The following LRRC7 variants were observed in gnomAD, a reference collection of about 807,000 sequenced individuals.
LRRC7 encodes the protein leucine-rich repeat-containing protein 7.
A neutral mutation model predicts 175.7 loss-of-function variants in LRRC7; 23 were observed. The ratio of observed to expected loss-of-function variants is 0.13; its 90% CI spans 0.09 to 0.19. The LOEUF (loss-of-function observed/expected upper bound fraction) is 0.19, where lower values mean the gene tolerates loss of function less well. Among genes scored for constraint, LRRC7 ranks in the 10% least tolerant of loss-of-function variants. LRRC7 has a pLI of 1.00. For missense variants in LRRC7, 1,354 were observed against 1,904.7 expected (o/e 0.71, Z 5.38); for synonymous variants, 685 against 680.9 (o/e 1.01, Z -0.09).
chr1:69,785,873 G>C (rs117848160), intron 3 of LRRC7, among the ~76,000 whole-genome samples: 21 of 151,836 alleles, frequency 1.4e-4, no homozygotes, highest in Non-Finnish European at 2.2e-4. Context: ...TATTTTCTAC[G>C]GTTTCCCAAA....
intron 10 of LRRC7, among the ~76,000 whole-genome samples, chr1:69,988,115 T>A (rs946212956): frequency 2.6e-5 from 4 of 152,176 alleles, no homozygotes; most frequent in Non-Finnish European, 2.9e-5. Context: ...AACCTTACAC[T>A]CCTACTCACC....
At chr1:69,696,003 G>A (rs187863735) in intron 2 of LRRC7, among the ~76,000 whole-genome samples, 40 of 152,310 alleles carry the variant, frequency 2.6e-4, no homozygotes, top group Non-Finnish European at 4.9e-4. Flanking sequence ...GTCAGAGTCC[G>A]CACTGGAGCA....
In LRRC7 at chr1:70,135,045, C is replaced by A. The variant is rs935408209; in HGVS notation, c.*13158C>A. 2.0e-5 allele frequency among the ~76,000 whole-genome samples: 3 copies of A among 152,174 alleles called. No individual in the cohort carries two copies. Among genetic ancestry groups the A allele is most frequent in the Non-Finnish European group, 4.4e-5 (3 of 68,042 alleles). ...AGAATGAAAATTACATAGAATTTTA[C>A]TGAAGAGTATAAGAGAAAACGTCTT... On this transcript the variant is annotated 3_prime_UTR_variant, in exon 27 of 27. Coordinates refer to ENST00000651989, the MANE Select transcript of LRRC7 (RefSeq NM_001370785.2).
chr1:69,569,080 C>G (rs967670359), intron 1 of LRRC7, among the ~76,000 whole-genome samples: 12 of 152,060 alleles, frequency 7.9e-5, no homozygotes, highest in South Asian at 2.1e-4. Flanking sequence ...CACACACACA[C>G]ACACTCACAC....
At chr1:70,083,151 G>A (rs1056333833) in intron 24 of LRRC7, among the ~76,000 whole-genome samples, 33 of 152,086 alleles carry the variant, frequency 2.2e-4, no homozygotes, top group Non-Finnish European at 4.4e-4. Context: ...TCATTCACAA[G>A]AGGAAAAGAT....
chr1:69,904,091 C>A (rs981380143), intron 7 of LRRC7, among the ~76,000 whole-genome samples: 4 of 152,090 alleles, frequency 2.6e-5, no homozygotes, highest in Non-Finnish European at 5.9e-5. Flanking sequence ...ACCATTCCTT[C>A]CATATTTATA....
intron 1 of LRRC7, among the ~76,000 whole-genome samples, chr1:69,604,140 C>A (rs1647207443): frequency 6.6e-6 from 1 of 152,038 alleles, no homozygotes. Flanking sequence ...AAAAGACAAG[C>A]TATGGCTTCT....
chr1:69,658,897 A>G (rs1570218637), intron 1 of LRRC7, among the ~76,000 whole-genome samples: 1 of 152,170 alleles, frequency 6.6e-6, no homozygotes, highest in East Asian at 1.9e-4. Context: ...AAATAAACCA[A>G]CAAGGTATGA....
intron 2 of LRRC7, among the ~76,000 whole-genome samples, chr1:69,704,087 G>T (rs750009932): frequency 6.6e-6 from 1 of 151,780 alleles, no homozygotes; most frequent in Non-Finnish European, 1.5e-5. Context: ...CTGTCTTCCA[G>T]GAACCACAAA....
intron 23 of LRRC7, among the ~76,000 whole-genome samples, chr1:70,061,872 T>G (rs1402176642): frequency 6.6e-6 from 1 of 152,186 alleles, no homozygotes; most frequent in African/African-American, 2.4e-5. Context: ...TACCTACTCT[T>G]TAATTTCACC....
chr1:70,016,224 G>C lies in LRRC7; in HGVS notation c.1251-241G>C, dbSNP rs181321512. 1.9e-3 allele frequency among the ~76,000 whole-genome samples: 294 copies of C among 152,222 alleles called. 1 individual carries two copies. The highest frequency in any genetic ancestry group is 6.8e-3 in the African/African-American group (283 of 41,544). On this transcript the variant is annotated intron_variant, in intron 13 of 26. Coordinates refer to ENST00000651989, the MANE Select transcript of LRRC7 (RefSeq NM_001370785.2). ...CTTCTGGAGGGATTTTTAGGGGCCA[G>C]ACCTTTTAAGCTCTAACCATACATG...
intron 1 of LRRC7, among the ~76,000 whole-genome samples, chr1:69,582,312 C>T (rs1646231060): frequency 6.6e-6 from 1 of 152,190 alleles, no homozygotes; most frequent in African/African-American, 2.4e-5. Flanking sequence ...CAGTGGCTTA[C>T]ACCACAAACA....
chr1:69,787,949 C>T (rs1290817286), intron 3 of LRRC7, among the ~76,000 whole-genome samples: 1 of 151,954 alleles, frequency 6.6e-6, no homozygotes, highest in Non-Finnish European at 1.5e-5. Context: ...CTTCCCCCTC[C>T]CTCCATCCCT....
intron 3 of LRRC7, among the ~76,000 whole-genome samples, chr1:69,781,227 G>A (rs2101020586): frequency 6.6e-6 from 1 of 152,196 alleles, no homozygotes; most frequent in South Asian, 2.1e-4. Flanking sequence ...TGAGTCTTCT[G>A]TAATTCTTCT....
intron 1 of LRRC7, among the ~76,000 whole-genome samples, chr1:69,664,551 A>C (rs1217668154): frequency 6.6e-6 from 1 of 151,948 alleles, no homozygotes; most frequent in East Asian, 1.9e-4. Context: ...CATTTCTCCG[A>C]TTTTCAGTGA....
chr1:69,706,638 AAGTC>A (rs2100716645), intron 2 of LRRC7, among the ~76,000 whole-genome samples: 1 of 152,270 alleles, frequency 6.6e-6, no homozygotes, highest in Non-Finnish European at 1.5e-5. Context: ...AAGGATTTGA[AAGTC>A]AGGCAGAGGA....
chr1:70,048,111 G>GCTAT (rs1196742966), intron 22 of LRRC7, among the ~76,000 whole-genome samples: 1 of 151,908 alleles, frequency 6.6e-6, no homozygotes, highest in Non-Finnish European at 1.5e-5. Flanking sequence ...ATTAAGCTTA[G>GCTAT]CTATCGTCTT....
chr1:69,799,007 T>C (rs1367641599), intron 4 of LRRC7, among the ~76,000 whole-genome samples: 2 of 152,008 alleles, frequency 1.3e-5, no homozygotes, highest in East Asian at 1.9e-4. Flanking sequence ...TTAGAGTCTC[T>C]TTCTTTACAG....
intron 8 of LRRC7, among the ~76,000 whole-genome samples, chr1:69,948,353 C>T (rs1401309721): frequency 6.6e-6 from 1 of 152,092 alleles, no homozygotes. Flanking sequence ...CCTTTTGTTT[C>T]AACTTGAAGG....
Sources: allele counts gnomAD v4.1 joint callset (sites outside exome capture counted in the v4.1 genomes callset), GRCh38; gene constraint gnomAD v4.1.1; transcripts MANE v1.5; gene names NCBI Gene and HGNC (gene_info 2026-07-23, HGNC 2026-07-21).